Variants in RABGAP1L observed in about 807,000 individuals in gnomAD.
RABGAP1L encodes RAB GTPase activating protein 1 like, also known as rab GTPase-activating protein 1-like.
Under a neutral mutation model 137.7 loss-of-function variants are expected in RABGAP1L, and 63 were observed. The observed-to-expected ratio is 0.46, with a 90% CI of 0.37 to 0.56. The LOEUF is 0.56. Among genes scored for constraint, RABGAP1L ranks in the 20% least tolerant of loss-of-function variants. The pLI is 0.00. For missense variants in RABGAP1L, 1,095 were observed against 1,244.0 expected, an observed-to-expected ratio of 0.88 and a Z score of 1.80; for synonymous variants, 431 against 433.7, an observed-to-expected ratio of 0.99 and a Z score of 0.08.
At chr1:174,546,409 G>A (rs1050342028) in intron 13 of RABGAP1L, among the ~76,000 whole-genome samples, 2 of 152,148 alleles carry the variant, frequency 1.3e-5, no homozygotes, top group African/African-American at 4.8e-5. Context: ...TTAAAAAATA[G>A]ACTATTAAAC....
chr1:174,939,251 CAAGATTA>C (rs1048261892), intron 19 of RABGAP1L, among the ~76,000 whole-genome samples: 2 of 151,842 alleles, frequency 1.3e-5, no homozygotes, highest in African/African-American at 4.8e-5. Context: ...TTGTTCTATC[CAAGATTA>C]AAGAAATGAA....
chr1:174,731,922 G>T (rs1339580628), intron 17 of RABGAP1L, among the ~76,000 whole-genome samples: 1 of 152,198 alleles, frequency 6.6e-6, no homozygotes, highest in Non-Finnish European at 1.5e-5. Context: ...AGAATTATGG[G>T]CTGGGCGTGG....
intron 12 of RABGAP1L, among the ~76,000 whole-genome samples, chr1:174,375,350 A>C (rs1239474528): frequency 6.6e-6 from 1 of 151,920 alleles, no homozygotes; most frequent in Non-Finnish European, 1.5e-5. Flanking sequence ...AAGCAAGCAG[A>C]AGCAAGGAAA....
chr1:174,479,426 G>A lies in RABGAP1L; in HGVS notation c.1710+85281G>A, dbSNP rs372842163. ...TCAGAGTCTATTTTGGTGGGACTTT[G>A]GGACCCAGGAATTTGCACTTTTGAA... On this transcript the variant is annotated intron_variant, in intron 13 of 25. Transcript: ENST00000681986. 1.1e-4 allele frequency among the ~76,000 whole-genome samples: 17 copies of A among 152,252 alleles called. 1 individual carries two copies. In the South Asian group the frequency reaches 2.9e-3, roughly 26 times the overall value.
intron 14 of RABGAP1L, among the ~76,000 whole-genome samples, chr1:174,642,843 GGTGC>G (rs1423060135): frequency 6.8e-6 from 1 of 147,666 alleles, no homozygotes; most frequent in Non-Finnish European, 1.5e-5. Flanking sequence ...GGGGTGCAGT[GGTGC>G]AATCTTGGTT....
chr1:174,197,600 T>TTATG (rs1667791176), intron 1 of RABGAP1L, among the ~76,000 whole-genome samples: 1 of 152,058 alleles, frequency 6.6e-6, no homozygotes, highest in East Asian at 1.9e-4. Flanking sequence ...AAAATATCTG[T>TTATG]TATGCCTGGA....
chr1:174,349,331 G>T (rs1177849351), intron 11 of RABGAP1L, among the ~76,000 whole-genome samples: 2 of 121,498 alleles, frequency 1.6e-5, no homozygotes, highest in Non-Finnish European at 1.7e-5. Context: ...TCACCTCCCG[G>T]ATGGGGCCAC....
chr1:174,412,321 T>G (rs1228604572), intron 13 of RABGAP1L, among the ~76,000 whole-genome samples: 1 of 152,190 alleles, frequency 6.6e-6, no homozygotes, highest in East Asian at 1.9e-4. Flanking sequence ...GCATGGTAGA[T>G]CTTCCTCCAT....
intron 13 of RABGAP1L, among the ~76,000 whole-genome samples, chr1:174,577,892 A>T (rs893917551): frequency 1.3e-5 from 2 of 152,224 alleles, no homozygotes; most frequent in Non-Finnish European, 2.9e-5. Flanking sequence ...TAAATGAGAA[A>T]TTAACCACCC....
At chr1:174,656,847 A>G (rs1676010201) in intron 14 of RABGAP1L, among the ~76,000 whole-genome samples, 1 of 152,170 alleles carries the variant, frequency 6.6e-6, no homozygotes, top group Admixed American at 6.5e-5. Flanking sequence ...GTCTTTGCCA[A>G]GGAGTTCTGT....
intron 11 of RABGAP1L, among the ~76,000 whole-genome samples, chr1:174,354,552 A>G (rs1683455917): frequency 6.6e-6 from 1 of 152,220 alleles, no homozygotes; most frequent in African/African-American, 2.4e-5. Context: ...AAGTTACTGA[A>G]TGATAGCCAT....
intron 24 of RABGAP1L, among the ~76,000 whole-genome samples, chr1:174,984,113 T>C (rs997341218): frequency 2.7e-5 from 4 of 147,510 alleles, no homozygotes; most frequent in African/African-American, 1.0e-4. Context: ...GTTTGTTACA[T>C]AGGTATACGT....
At chr1:174,635,464 C>G (rs1673928143) in intron 13 of RABGAP1L, among the ~76,000 whole-genome samples, 1 of 152,114 alleles carries the variant, frequency 6.6e-6, no homozygotes, top group Non-Finnish European at 1.5e-5. Flanking sequence ...ACTCAAGACT[C>G]CAGACAAGAT....
chr1:174,489,376 A>G (rs977468934), intron 13 of RABGAP1L, among the ~76,000 whole-genome samples: 2 of 152,224 alleles, frequency 1.3e-5, no homozygotes, highest in African/African-American at 4.8e-5. Flanking sequence ...AAGGATATGA[A>G]CAGACACTTC....
chr1:174,541,923 T>C (rs1443051640), intron 13 of RABGAP1L, among the ~76,000 whole-genome samples: 1 of 152,250 alleles, frequency 6.6e-6, no homozygotes, highest in Non-Finnish European at 1.5e-5. Context: ...TGAACTAGCC[T>C]TGCATCCCAG....
intron 23 of RABGAP1L, 53 bp downstream of exon 23, chr1:174,978,943 TA>T: frequency 6.9e-7 from 1 of 1,440,188 alleles, no homozygotes. Context: ...GCTATAAAAG[TA>T]ATTTTTTTTT....
intron 10 of RABGAP1L, among the ~76,000 whole-genome samples, chr1:174,280,333 T>C (rs1347598776): frequency 6.6e-6 from 1 of 152,106 alleles, no homozygotes; most frequent in Non-Finnish European, 1.5e-5. Context: ...CCTTTGAAAA[T>C]CTGGGTCCAG....
chr1:174,486,986 C>CA (rs1659736391), intron 13 of RABGAP1L, among the ~76,000 whole-genome samples: 1 of 152,036 alleles, frequency 6.6e-6, no homozygotes, highest in Non-Finnish European at 1.5e-5. Flanking sequence ...TGTGGTTAGA[C>CA]ACTTGATATT....
intron 13 of RABGAP1L, among the ~76,000 whole-genome samples, chr1:174,537,132 TTTAG>T (rs1664957307): frequency 6.6e-6 from 1 of 152,196 alleles, no homozygotes; most frequent in Non-Finnish European, 1.5e-5. Flanking sequence ...TAAACCTCTT[TTTAG>T]TTGAGCTTTT....
Sources: allele counts gnomAD v4.1 joint callset (sites outside exome capture counted in the v4.1 genomes callset), GRCh38; gene constraint gnomAD v4.1.1; transcripts MANE v1.5; gene names NCBI Gene and HGNC (gene_info 2026-07-23, HGNC 2026-07-21).